Variants in C10orf90 observed in about 807,000 individuals in gnomAD.
The protein encoded by C10orf90 is chromosome 10 open reading frame 90.
In C10orf90, 56 loss-of-function variants were observed where a neutral mutation model predicts 62.5. The observed-to-expected ratio is 0.90, with a 90% confidence interval of 0.72 to 1.12. C10orf90 has a LOEUF of 1.12. C10orf90 is among the 50% of genes most tolerant of loss of function. C10orf90 has a pLI of 0.00. For synonymous variants in C10orf90, 386 were observed against 340.4 expected (o/e 1.13, Z -1.47); for missense variants, 970 against 880.4 (o/e 1.10, Z -1.29).
At chr10:126,509,697 C>A (rs983720065) in intron 3 of C10orf90, among the ~76,000 whole-genome samples, 6 of 152,168 alleles carry the variant, frequency 3.9e-5, no homozygotes, top group African/African-American at 1.4e-4. Context: ...AGTCCCCAAA[C>A]AACAAACTCG....
At chr10:126,436,476 T>C (rs150460764) in intron 7 of C10orf90, among the ~76,000 whole-genome samples, 16 of 152,292 alleles carry the variant, frequency 1.1e-4, no homozygotes, top group Non-Finnish European at 1.9e-4. Context: ...CATACTTTTA[T>C]GATGTATATA....
chr10:126,539,080 C>G (rs551835976), intron 2 of C10orf90, among the ~76,000 whole-genome samples: 1 of 152,280 alleles, frequency 6.6e-6, no homozygotes, highest in South Asian at 2.1e-4. Context: ...GGAGAAAGAG[C>G]CTGGAGGCAG....
chr10:126,491,819 G>A (rs958973623), intron 4 of C10orf90, among the ~76,000 whole-genome samples: 6 of 152,292 alleles, frequency 3.9e-5, no homozygotes, highest in African/African-American at 7.2e-5. Flanking sequence ...CTCATCCATG[G>A]TCTGTGGACA....
intron 4 of C10orf90, among the ~76,000 whole-genome samples, chr10:126,487,261 G>A (rs1237553524): frequency 1.3e-5 from 2 of 151,344 alleles, no homozygotes; most frequent in African/African-American, 4.9e-5. Context: ...GGAAATAAAT[G>A]GCTGCAAAAT....
intron 2 of C10orf90, among the ~76,000 whole-genome samples, chr10:126,616,827 A>C (rs1485409908): frequency 1.3e-5 from 2 of 152,182 alleles, no homozygotes; most frequent in African/African-American, 2.4e-5. Flanking sequence ...TCAGGCAGGA[A>C]GAAAAATAAC....
At chr10:126,610,644 G>T (rs1310125259) in intron 2 of C10orf90, among the ~76,000 whole-genome samples, 3 of 152,152 alleles carry the variant, frequency 2.0e-5, no homozygotes, top group Non-Finnish European at 4.4e-5. Context: ...TTCATTGGAT[G>T]AATAAATGAT....
At chr10:126,656,667 G>A (rs980751153) in intron 1 of C10orf90, among the ~76,000 whole-genome samples, 1 of 152,192 alleles carries the variant, frequency 6.6e-6, no homozygotes, top group Non-Finnish European at 1.5e-5. Context: ...GAGAGCAGAC[G>A]GGCGGCTGCC....
chr10:126,512,392 G>GTGTGTATGTGTC (rs1564847150), intron 3 of C10orf90, among the ~76,000 whole-genome samples: 32 of 14,484 alleles, frequency 2.2e-3, no homozygotes, highest in African/African-American at 3.0e-3. Flanking sequence ...GTGTCTGTGT[G>GTGTGTATGTGTC]TGTGTGTGTG....
At chr10:126,604,897 T>A (rs1845274578) in intron 2 of C10orf90, among the ~76,000 whole-genome samples, 1 of 152,196 alleles carries the variant, frequency 6.6e-6, no homozygotes, top group Admixed American at 6.5e-5. Flanking sequence ...GATCTTGGGA[T>A]TTGGTCATGT....
chr10:126,579,469 G>A (rs1274029004), intron 2 of C10orf90, among the ~76,000 whole-genome samples: 1 of 151,958 alleles, frequency 6.6e-6, no homozygotes, highest in African/African-American at 2.4e-5. Flanking sequence ...TCGAACTCCT[G>A]AACTCAAGCG....
chr10:126,429,274 G>C (rs368785389), intron 8 of C10orf90, among the ~76,000 whole-genome samples: 9 of 152,224 alleles, frequency 5.9e-5, no homozygotes, highest in African/African-American at 1.9e-4. Flanking sequence ...TTGGCAGCAT[G>C]GCCGCCAGGT....
At chr10:126,547,423 A>T (rs1591087161) in intron 2 of C10orf90, among the ~76,000 whole-genome samples, 1 of 151,510 alleles carries the variant, frequency 6.6e-6, no homozygotes, top group Non-Finnish European at 1.5e-5. Context: ...TCAAAAAAAA[A>T]AAAAATAAAA....
At chr10:126,536,721 T>C (rs1429542978) in intron 2 of C10orf90, among the ~76,000 whole-genome samples, 2 of 152,156 alleles carry the variant, frequency 1.3e-5, no homozygotes, top group African/African-American at 4.8e-5. Flanking sequence ...TTGAATTCAT[T>C]TGGGGCCCTC....
chr10:126,442,639 A>G (rs1382760840), intron 7 of C10orf90, among the ~76,000 whole-genome samples: 7 of 18,064 alleles, frequency 3.9e-4, no homozygotes, highest in Admixed American at 5.5e-4. Context: ...GTGTGTATAT[A>G]TATATATATA....
chr10:126,565,193 A>G (rs1217717599), intron 2 of C10orf90, among the ~76,000 whole-genome samples: 1 of 60,446 alleles, frequency 1.7e-5, no homozygotes, highest in African/African-American at 6.1e-5. Flanking sequence ...TATAATATTT[A>G]TATTACATAT....
chr10:126,427,700 T>C (rs142926421), intron 8 of C10orf90, among the ~76,000 whole-genome samples: 1 of 152,190 alleles, frequency 6.6e-6, no homozygotes, highest in Non-Finnish European at 1.5e-5. Context: ...GCCTCTGGAC[T>C]CTTGGGCTTG....
chr10:126,506,516 C>T (rs1326863839), intron 3 of C10orf90, among the ~76,000 whole-genome samples: 3 of 152,230 alleles, frequency 2.0e-5, no homozygotes, highest in Non-Finnish European at 4.4e-5. Flanking sequence ...CCAACAATTG[C>T]CACAGCAGCT....
chr10:126,503,704 T>C (rs896526442), intron 4 of C10orf90, among the ~76,000 whole-genome samples: 1 of 152,110 alleles, frequency 6.6e-6, no homozygotes, highest in Non-Finnish European at 1.5e-5. Flanking sequence ...TCTCATTACA[T>C]ATGGTCTGGA....
chr10:126,564,855 TAAA>T (rs1317832958), intron 2 of C10orf90, among the ~76,000 whole-genome samples: 716 of 23,330 alleles, frequency 0.031, 231 homozygotes, highest in African/African-American at 0.11. Flanking sequence ...ATATATTATA[TAAA>T]ATATATATTA....
Sources: gnomAD v4.1 joint callset for allele counts (sites outside exome capture counted in the v4.1 genomes callset) on GRCh38, gnomAD v4.1.1 for gene constraint, MANE v1.5 for transcripts, NCBI Gene and HGNC (gene_info 2026-07-23, HGNC 2026-07-21) for gene names.